RAD51B: variants seen among roughly 807,000 people sequenced by gnomAD.
RAD51B encodes the protein RAD51 paralog B.
Under a neutral mutation model 42.2 loss-of-function variants are expected in RAD51B, and 38 were observed. That is an observed-to-expected ratio of 0.90 (90% CI 0.70 to 1.18). The LOEUF (loss-of-function observed/expected upper bound fraction) is 1.18. RAD51B is among the 50% of genes most tolerant of loss of function. The pLI is 0.00. For synonymous variants in RAD51B, 154 were observed against 145.2 expected (o/e 1.06, Z -0.43); for missense variants, 373 against 400.7 (o/e 0.93, Z 0.59).
chr14:68,324,336 C>G (rs1056048035), intron 8 of RAD51B, among the ~76,000 whole-genome samples: 1 of 152,236 alleles, frequency 6.6e-6, no homozygotes, highest in Non-Finnish European at 1.5e-5. Flanking sequence ...CTCATAGACT[C>G]TATTCATCCC....
intron 7 of RAD51B, among the ~76,000 whole-genome samples, chr14:68,074,967 T>C (rs2076808886): frequency 6.6e-6 from 1 of 152,198 alleles, no homozygotes; most frequent in African/African-American, 2.4e-5. Flanking sequence ...CACACTTGAG[T>C]GCTGGCTGCA....
chr14:68,160,247 T>A (rs2078609701), intron 7 of RAD51B, among the ~76,000 whole-genome samples: 1 of 152,148 alleles, frequency 6.6e-6, no homozygotes, highest in South Asian at 2.1e-4. Context: ...ATCTTAATAA[T>A]CATCTGGTAT....
chr14:67,999,569 A>G lies in RAD51B; in HGVS notation c.756+112365A>G, dbSNP rs184687399. Among the ~76,000 whole-genome samples the G allele has an allele frequency of 3.3e-5, 5 of 152,280 alleles. No individual in the cohort carries two copies. The South Asian group carries it at 6.2e-4, about 19-fold the overall frequency. On this transcript the variant is annotated intron_variant, in intron 7 of 10. Coordinates refer to ENST00000471583, the MANE Select transcript of RAD51B (RefSeq NM_133510.4). ...TCAGATAGGCTTTGGTTAAATCCCAACTCCATGACTTACTATTGTATTATG... is the reference window on the plus strand; with the variant it reads ...TCAGATAGGCTTTGGTTAAATCCCAGCTCCATGACTTACTATTGTATTATG...
intron 10 of RAD51B, among the ~76,000 whole-genome samples, chr14:68,620,876 C>T (rs1891931240): frequency 6.6e-6 from 1 of 152,206 alleles, no homozygotes; most frequent in African/African-American, 2.4e-5. Context: ...AAAGGAGAAC[C>T]TATGGATGGA....
At chr14:68,057,379 T>C (rs2076494052) in intron 7 of RAD51B, among the ~76,000 whole-genome samples, 1 of 152,170 alleles carries the variant, frequency 6.6e-6, no homozygotes, top group African/African-American at 2.4e-5. Flanking sequence ...ATGTAAACTT[T>C]AATAAATGTG....
At chr14:68,359,770 G>A (rs1431960707) in intron 8 of RAD51B, among the ~76,000 whole-genome samples, 3 of 152,232 alleles carry the variant, frequency 2.0e-5, no homozygotes, top group African/African-American at 7.2e-5. Context: ...TCTAAAAAGA[G>A]TGGTGGTGGT....
chr14:67,826,461 T>C (rs1223622212), intron 3 of RAD51B, among the ~76,000 whole-genome samples: 1 of 152,230 alleles, frequency 6.6e-6, no homozygotes, highest in African/African-American at 2.4e-5. Flanking sequence ...TAGAAATATC[T>C]TGTTTTCTCA....
At chr14:68,124,738 G>A (rs2077720336) in intron 7 of RAD51B, among the ~76,000 whole-genome samples, 1 of 152,124 alleles carries the variant, frequency 6.6e-6, no homozygotes. Context: ...CGGATCATGA[G>A]GTCAGGAGTT....
At chr14:68,283,751 A>T (rs1005848641) in intron 7 of RAD51B, among the ~76,000 whole-genome samples, 2 of 152,170 alleles carry the variant, frequency 1.3e-5, no homozygotes, top group African/African-American at 4.8e-5. Flanking sequence ...CAGTGGAACC[A>T]TAGCTCTCCA....
At chr14:68,310,563 C>T (rs770380560) in intron 8 of RAD51B, among the ~76,000 whole-genome samples, 23 of 152,134 alleles carry the variant, frequency 1.5e-4, no homozygotes, top group Non-Finnish European at 2.1e-4. Flanking sequence ...AAGCAGGTCA[C>T]GGCTGGACGT....
At chr14:67,916,615 T>C (rs2044159920) in intron 7 of RAD51B, among the ~76,000 whole-genome samples, 1 of 152,190 alleles carries the variant, frequency 6.6e-6, no homozygotes. Context: ...ATGGAGGCTT[T>C]ATTTATTTTA....
At chr14:68,541,151 T>C (rs1267855971) in intron 10 of RAD51B, 1 of 985,340 alleles carries the variant, frequency 1.0e-6, no homozygotes, top group Non-Finnish European at 1.2e-6. Flanking sequence ...TGCTGGTGCC[T>C]TCCTGGGACT....
intron 7 of RAD51B, among the ~76,000 whole-genome samples, chr14:67,916,217 T>G (rs886180194): frequency 6.6e-6 from 1 of 152,254 alleles, no homozygotes; most frequent in African/African-American, 2.4e-5. Context: ...CATCATATTT[T>G]ATTGCCTCAT....
chr14:67,941,360 C>G (rs890792467), intron 7 of RAD51B, among the ~76,000 whole-genome samples: 1 of 152,084 alleles, frequency 6.6e-6, no homozygotes, highest in African/African-American at 2.4e-5. Context: ...TACCTGACAC[C>G]CTTGCATGTA....
chr14:67,883,159 A>G (rs189502526), intron 5 of RAD51B, among the ~76,000 whole-genome samples: 4 of 152,208 alleles, frequency 2.6e-5, no homozygotes, highest in African/African-American at 9.6e-5. Context: ...GGTCACTACC[A>G]GCTCTTATCT....
chr14:68,286,363 A>C (rs868275480), intron 7 of RAD51B, among the ~76,000 whole-genome samples: 58 of 152,332 alleles, frequency 3.8e-4, no homozygotes, highest in African/African-American at 1.4e-3. Flanking sequence ...AAAAAATCTG[A>C]CTTTTAAATA....
intron 8 of RAD51B, among the ~76,000 whole-genome samples, chr14:68,294,833 C>CTGTA: frequency 6.6e-6 from 1 of 152,314 alleles, no homozygotes; most frequent in Non-Finnish European, 1.5e-5. Flanking sequence ...CCTTTCCTCC[C>CTGTA]TGTATGTTTT....
At chr14:68,138,968 T>C (rs1206755736) in intron 7 of RAD51B, among the ~76,000 whole-genome samples, 2 of 152,198 alleles carry the variant, frequency 1.3e-5, no homozygotes, top group African/African-American at 4.8e-5. Flanking sequence ...TATCTGTGGA[T>C]GCCATATACT....
chr14:67,952,941 G>A (rs933143003), intron 7 of RAD51B, among the ~76,000 whole-genome samples: 2 of 151,648 alleles, frequency 1.3e-5, no homozygotes, highest in African/African-American at 2.4e-5. Context: ...ACATTCTTTG[G>A]CATCTTAAAC....
Sources: allele counts gnomAD v4.1 joint callset (sites outside exome capture counted in the v4.1 genomes callset), GRCh38; gene constraint gnomAD v4.1.1; transcripts MANE v1.5; gene names NCBI Gene and HGNC (gene_info 2026-07-23, HGNC 2026-07-21).